SLC4A10: variants seen among roughly 807,000 people sequenced by gnomAD.
The protein encoded by SLC4A10 is solute carrier family 4 member 10.
SLC4A10 carries 42 observed loss-of-function variants against 137.7 expected under a neutral mutation model. That is an observed-to-expected ratio of 0.30 (90% CI 0.24 to 0.39). The LOEUF is 0.39. Among genes scored for constraint, SLC4A10 ranks in the 10% least tolerant of loss-of-function variants. The pLI is 1.00. For synonymous variants in SLC4A10, 474 were observed against 464.1 expected (o/e 1.02, Z -0.27); for missense variants, 925 against 1,355.0 (o/e 0.68, Z 4.98).
chr2:161,724,055 A>G (rs1425274554), intron 1 of SLC4A10, among the ~76,000 whole-genome samples: 2 of 152,176 alleles, frequency 1.3e-5, no homozygotes, highest in Non-Finnish European at 2.9e-5. Flanking sequence ...CCTTATCGCA[A>G]CCTCAAAACC....
intron 1 of SLC4A10, among the ~76,000 whole-genome samples, chr2:161,664,710 C>CT (rs1202235591): frequency 2.2e-3 from 54 of 24,308 alleles, no homozygotes; most frequent in Middle Eastern, 0.021. Flanking sequence ...GATTTTTTCT[C>CT]CTTTTTTTTT....
At chr2:161,710,357 T>G (rs543220605) in intron 1 of SLC4A10, among the ~76,000 whole-genome samples, 3 of 151,900 alleles carry the variant, frequency 2.0e-5, no homozygotes, top group Non-Finnish European at 4.4e-5. Context: ...TTTCACAGCA[T>G]TCTGCTATTT....
At chr2:161,823,934 C>T (rs1427372690) in intron 3 of SLC4A10, among the ~76,000 whole-genome samples, 3 of 152,176 alleles carry the variant, frequency 2.0e-5, no homozygotes, top group African/African-American at 4.8e-5. Context: ...AAACTACTAA[C>T]CCTAGATCCT....
intron 2 of SLC4A10, among the ~76,000 whole-genome samples, chr2:161,790,548 G>A (rs2054088339): frequency 6.6e-6 from 1 of 152,128 alleles, no homozygotes; most frequent in Non-Finnish European, 1.5e-5. Flanking sequence ...AATTACACAG[G>A]CATTTGAAAT....
chr2:161,974,756 A>G (rs1476958521), intron 24 of SLC4A10, among the ~76,000 whole-genome samples: 1 of 152,168 alleles, frequency 6.6e-6, no homozygotes, highest in Non-Finnish European at 1.5e-5. Flanking sequence ...ATTCAGTTGT[A>G]TCAGTCATTT....
At chr2:161,877,559 T>C (rs943792657) in intron 8 of SLC4A10, among the ~76,000 whole-genome samples, 5 of 152,022 alleles carry the variant, frequency 3.3e-5, no homozygotes, top group African/African-American at 1.2e-4. Flanking sequence ...CCTAACTAGA[T>C]AAATACCTAC....
chr2:161,898,046 T>C (rs764460415), intron 11 of SLC4A10, among the ~76,000 whole-genome samples: 3 of 152,144 alleles, frequency 2.0e-5, no homozygotes, highest in Non-Finnish European at 2.9e-5. Context: ...ATTCTGGGTA[T>C]TGAGAGGCAG....
At chr2:161,708,886 A>G in intron 1 of SLC4A10, 1 of 1,478,040 alleles carries the variant, frequency 6.8e-7, no homozygotes, top group Non-Finnish European at 8.9e-7. Flanking sequence ...TGCTTTTTCT[A>G]GTTCTTACTC....
chr2:161,742,599 C>G (rs955021374), intron 1 of SLC4A10, among the ~76,000 whole-genome samples: 1 of 151,912 alleles, frequency 6.6e-6, no homozygotes, highest in African/African-American at 2.4e-5. Flanking sequence ...CGCCACCAGA[C>G]CTGGCTTTTT....
At chr2:161,893,494 A>G (rs2105199829) in intron 10 of SLC4A10, among the ~76,000 whole-genome samples, 1 of 152,172 alleles carries the variant, frequency 6.6e-6, no homozygotes, top group South Asian at 2.1e-4. Context: ...CCAGGAGTTC[A>G]AGACCAGCCC....
At chr2:161,881,415 CA>C (rs1185294523) in intron 9 of SLC4A10, among the ~76,000 whole-genome samples, 2 of 151,896 alleles carry the variant, frequency 1.3e-5, no homozygotes, top group Admixed American at 6.6e-5. Flanking sequence ...CTGGCACACA[CA>C]AAAAATATTG....
At chr2:161,943,806 C>T (rs1016476342) in intron 16 of SLC4A10, among the ~76,000 whole-genome samples, 1 of 151,874 alleles carries the variant, frequency 6.6e-6, no homozygotes, top group Non-Finnish European at 1.5e-5. Flanking sequence ...CAAATGCATA[C>T]TATTTTAGTA....
chr2:161,625,066 C>CGTGTGTGT lies in SLC4A10; in HGVS notation c.48+539_48+546dup, dbSNP rs5835872. ...AAACCAGGGGAAAGAACAGAAGGAT[C>CGTGTGTGT]GTGTGTGTGTGTGTGTGTGTGTGTG... On this transcript the variant is annotated intron_variant, in intron 1 of 26. Coordinates refer to ENST00000446997, the MANE Select transcript of SLC4A10 (RefSeq NM_001178015.2). Among the ~76,000 whole-genome samples, 953 of 144,294 alleles carry CGTGTGTGT rather than the reference C, an allele frequency of 6.6e-3. 8 individuals carry two copies. The highest frequency in any genetic ancestry group is 0.02 in the African/African-American group (780 of 38,720). 94.7% of individuals were successfully genotyped at this position (144,294 alleles called of 152,430 possible).
At chr2:161,648,546 AT>A (rs1370683594) in intron 1 of SLC4A10, among the ~76,000 whole-genome samples, 4 of 152,176 alleles carry the variant, frequency 2.6e-5, no homozygotes, top group Non-Finnish European at 5.9e-5. Context: ...ATTTGAAACA[AT>A]TCATATAATT....
At chr2:161,936,382 G>C (rs1352652079) in intron 15 of SLC4A10, among the ~76,000 whole-genome samples, 4 of 152,074 alleles carry the variant, frequency 2.6e-5, no homozygotes, top group Non-Finnish European at 4.4e-5. Context: ...TTAAATGGTT[G>C]ATGATTTCAG....
Position 161,862,937 on chromosome 2 carries a change from A to G in SLC4A10, c.641A>G (p.His214Arg), listed in dbSNP as rs750507463. The G allele has an allele frequency of 6.2e-7, 1 of 1,613,690 alleles. No individual in the cohort carries two copies. The highest frequency in any genetic ancestry group is 1.1e-5 in the South Asian group (1 of 90,978). Residue 214 changes from histidine to arginine, a missense_variant, in exon 6 of 27, where the codon CAT (histidine) becomes CGT (arginine). Around this residue, in one of 11 missense-constraint regions of SLC4A10, gnomAD observed 277 missense variants for 306.1 expected, o/e 0.90. Transcript: ENST00000446997. ...QLNEDVRHRV[H>R]EALMKQHHHQ... ...AATGAAGATGTACGCCATAGGGTCCATGAGGCATTGATGAAACAGCATCAT... is the reference window on the plus strand; with the variant it reads ...AATGAAGATGTACGCCATAGGGTCCGTGAGGCATTGATGAAACAGCATCAT...
chr2:161,914,653 ATTTTTT>A (rs79100353), intron 15 of SLC4A10, among the ~76,000 whole-genome samples: 1 of 148,874 alleles, frequency 6.7e-6, no homozygotes, highest in Non-Finnish European at 1.5e-5. Flanking sequence ...CTCATGGAAG[ATTTTTT>A]TTTTTATTAT....
At chr2:161,810,300 A>G (rs2125630738) in intron 3 of SLC4A10, among the ~76,000 whole-genome samples, 1 of 152,080 alleles carries the variant, frequency 6.6e-6, no homozygotes, top group Non-Finnish European at 1.5e-5. Flanking sequence ...TAAAATTATA[A>G]TCATCAGCAA....
At chr2:161,631,143 G>C (rs895711153) in intron 1 of SLC4A10, among the ~76,000 whole-genome samples, 3 of 151,652 alleles carry the variant, frequency 2.0e-5, no homozygotes, top group Non-Finnish European at 3.0e-5. Flanking sequence ...TGGGATGTAG[G>C]GGAGAGTTAG....
Sources: allele counts gnomAD v4.1 joint callset (sites outside exome capture counted in the v4.1 genomes callset), GRCh38; gene constraint gnomAD v4.1.1; regional missense constraint gnomAD v4.1.1; transcripts MANE v1.5; gene names NCBI Gene and HGNC (gene_info 2026-07-23, HGNC 2026-07-21).